PDE8B: variants seen among roughly 807,000 people sequenced by gnomAD.
The protein encoded by PDE8B is phosphodiesterase 8B.
PDE8B carries 26 observed loss-of-function variants against 101.3 expected under a neutral mutation model. The observed-to-expected ratio is 0.26, with a 90% confidence interval of 0.19 to 0.36. The LOEUF (loss-of-function observed/expected upper bound fraction) is 0.36, where lower values mean the gene tolerates loss of function less well. PDE8B is among the 10% of genes least tolerant of loss of function. The pLI, the probability that PDE8B is intolerant of heterozygous loss-of-function variation, is 1.00. For synonymous variants in PDE8B, 424 were observed against 429.3 expected (o/e 0.99, Z 0.15); for missense variants, 810 against 1,163.1 (o/e 0.70, Z 4.42).
At chr5:77,205,285 A>G in the PDE8B span, among the ~76,000 whole-genome samples, 1 of 152,178 alleles carries the variant, frequency 6.6e-6, no homozygotes, top group Non-Finnish European at 1.5e-5. Context: ...CCTTAGTTTC[A>G]CTTGGCCTAT....
intron 1 of PDE8B, among the ~76,000 whole-genome samples, chr5:77,256,644 G>T (rs1326264026): frequency 6.6e-6 from 1 of 152,072 alleles, no homozygotes; most frequent in Non-Finnish European, 1.5e-5. Context: ...GGTGTGTCCT[G>T]GGCTCTGTAC....
intron 1 of PDE8B, among the ~76,000 whole-genome samples, chr5:77,218,575 AG>A (rs1750335787): frequency 6.6e-6 from 1 of 152,224 alleles, no homozygotes; most frequent in African/African-American, 2.4e-5. Flanking sequence ...AAACAGGCAG[AG>A]GGAAGGGGAG....
At chr5:77,219,175 G>A (rs997144306) in intron 1 of PDE8B, among the ~76,000 whole-genome samples, 4 of 152,182 alleles carry the variant, frequency 2.6e-5, no homozygotes, top group Non-Finnish European at 5.9e-5. Context: ...TAAACTTGTA[G>A]CCTGAAGCCT....
the PDE8B span, among the ~76,000 whole-genome samples, chr5:77,102,972 T>C: frequency 6.6e-6 from 1 of 151,838 alleles, no homozygotes; most frequent in African/African-American, 2.4e-5. Context: ...TGAAGAGGAG[T>C]GGTGGGCAAG....
chr5:77,393,262 C>T (rs919741123), intron 10 of PDE8B, among the ~76,000 whole-genome samples: 1 of 152,070 alleles, frequency 6.6e-6, no homozygotes, highest in Non-Finnish European at 1.5e-5. Flanking sequence ...GGTGTGGTGG[C>T]ACATGCCTGT....
intron 2 of PDE8B, among the ~76,000 whole-genome samples, chr5:77,317,874 T>C (rs541566588): frequency 1.9e-4 from 29 of 151,954 alleles, no homozygotes; most frequent in Middle Eastern, 6.8e-3. Flanking sequence ...CTGGCCAAGA[T>C]GGTGAAACCC....
the PDE8B span, among the ~76,000 whole-genome samples, chr5:77,093,354 T>G: frequency 2.0e-5 from 3 of 152,214 alleles, no homozygotes; most frequent in Non-Finnish European, 4.4e-5. Context: ...ATCAACATGA[T>G]CTAAGGTGTT....
At chr5:77,396,755 ACTT>A (rs935466177) in intron 10 of PDE8B, among the ~76,000 whole-genome samples, 10 of 152,034 alleles carry the variant, frequency 6.6e-5, no homozygotes, top group African/African-American at 2.4e-4. Flanking sequence ...TTTTTAATAA[ACTT>A]CTTTATCAAA....
At chr5:77,280,310 C>A (rs190918130) in intron 1 of PDE8B, among the ~76,000 whole-genome samples, 11 of 152,282 alleles carry the variant, frequency 7.2e-5, no homozygotes, top group African/African-American at 2.4e-4. Context: ...GATTGTCAGA[C>A]CACACCTGTG....
chr5:77,407,545 G>GCT, intron 13 of PDE8B, 88 bp downstream of exon 13: 1 of 944,222 alleles, frequency 1.1e-6, no homozygotes, highest in Non-Finnish European at 1.7e-6. Context: ...ACATCATGGA[G>GCT]CTCAGTCTAG....
In PDE8B at chr5:77,427,338, A is replaced by AGG. The variant is rs997791780; in HGVS notation, c.*785_*786dup. 5.9e-5 allele frequency: 9 copies of AGG among 152,202 alleles called. No homozygotes were observed. Among genetic ancestry groups the AGG allele is most frequent in the African/African-American group, 2.2e-4 (9 of 41,288 alleles). 9.4% of individuals were successfully genotyped at this position (152,202 alleles called of 1,614,324 possible). A position where few individuals can be genotyped will look rare whatever the true frequency, so the allele number is the denominator to read the frequency against. Reference sequence around the variant, plus strand: ...TTTCTGGCTCACAGAGGCAGCCACGAGGCACTACACCAAGTATTATATAAA... The same window carrying AGG: ...TTTCTGGCTCACAGAGGCAGCCACGAGGGGCACTACACCAAGTATTATATAAA... On this transcript the variant is annotated 3_prime_UTR_variant, in exon 22 of 22. Transcript: ENST00000264917.
In PDE8B at chr5:77,423,632, G is replaced by GTTTTTTTTTTTTTTTTTTTTTTTTTT. The variant is rs71594634; in HGVS notation, c.2418+1646_2418+1671dup. Among the ~76,000 whole-genome samples, 23 of 74,044 alleles carry GTTTTTTTTTTTTTTTTTTTTTTTTTT rather than the reference G, an allele frequency of 3.1e-4. 5 individuals carry two copies. Among genetic ancestry groups the GTTTTTTTTTTTTTTTTTTTTTTTTTT allele is most frequent in the Non-Finnish European group, 4.2e-4 (16 of 38,408 alleles). 48.6% of individuals were successfully genotyped at this position (74,044 alleles called of 152,430 possible). ...TGATGCTGGACTTTTGTTTTGTTTA[G>GTTTTTTTTTTTTTTTTTTTTTTTTTT]TTTTTTTTTTTTTTTTTTTTTTTTT... On this transcript the variant is annotated intron_variant, in intron 20 of 21. Transcript: ENST00000264917.
intron 20 of PDE8B, among the ~76,000 whole-genome samples, chr5:77,424,681 A>G (rs149823404): frequency 8.9e-4 from 135 of 152,354 alleles, no homozygotes; most frequent in African/African-American, 3.1e-3. Context: ...GTTCAAGTGT[A>G]CGTGTACTCC....
chr5:77,253,724 G>C (rs1758546411), intron 1 of PDE8B, among the ~76,000 whole-genome samples: 2 of 152,174 alleles, frequency 1.3e-5, no homozygotes, highest in South Asian at 4.2e-4. Flanking sequence ...GTATACCCCT[G>C]GCTCTTGATG....
intron 17 of PDE8B, among the ~76,000 whole-genome samples, chr5:77,415,606 A>G (rs927447876): frequency 6.6e-6 from 1 of 151,698 alleles, no homozygotes; most frequent in African/African-American, 2.4e-5. Context: ...TAATCCACCC[A>G]CCTCGACCTC....
Position 77,407,343 on chromosome 5 carries a change from C to T in PDE8B, c.1289-38C>T, listed in dbSNP as rs199851724. On this transcript the variant is annotated intron_variant, in intron 12 of 21. Coordinates refer to ENST00000264917, the MANE Select transcript of PDE8B (RefSeq NM_003719.5). ...TTTGCTGCACTTAGCCACACTGAGC[C>T]ACCGGAACTGGACACAGCTTTCTTG... is the stretch of plus-strand genomic sequence containing the variant. 22 of 1,555,828 alleles carry T rather than the reference C, an allele frequency of 1.4e-5. No individual in the cohort carries two copies. In the East Asian group the frequency reaches 2.2e-4, roughly 16 times the overall value.
intron 10 of PDE8B, among the ~76,000 whole-genome samples, chr5:77,367,684 C>T (rs775837705): frequency 1.3e-5 from 2 of 152,148 alleles, no homozygotes; most frequent in Non-Finnish European, 2.9e-5. Flanking sequence ...GCACGCACCA[C>T]CATGCCCTGC....
At chr5:77,215,665 C>CA (rs1325900152) in intron 1 of PDE8B, among the ~76,000 whole-genome samples, 1 of 152,174 alleles carries the variant, frequency 6.6e-6, no homozygotes, top group Non-Finnish European at 1.5e-5. Flanking sequence ...GCCTGGGCGC[C>CA]AGCAGGACAG....
chr5:77,220,443 A>AGGTG (rs1204645842), intron 1 of PDE8B, among the ~76,000 whole-genome samples: 1 of 152,218 alleles, frequency 6.6e-6, no homozygotes, highest in Non-Finnish European at 1.5e-5. Context: ...ATTATATCAA[A>AGGTG]GGTGAGAACT....
Sources: gnomAD v4.1 joint callset for allele counts (sites outside exome capture counted in the v4.1 genomes callset) on GRCh38, gnomAD v4.1.1 for gene constraint, MANE v1.5 for transcripts, NCBI Gene and HGNC (gene_info 2026-07-23, HGNC 2026-07-21) for gene names.